The following MYO3A variants were observed in gnomAD, a reference collection of about 807,000 sequenced individuals.
MYO3A encodes myosin IIIA.
A neutral mutation model predicts 192.7 loss-of-function variants in MYO3A; 180 were observed. The ratio of observed to expected loss-of-function variants is 0.93; its 90% CI spans 0.83 to 1.06. The LOEUF (loss-of-function observed/expected upper bound fraction) is 1.06, where lower values mean the gene tolerates loss of function less well. MYO3A is among the 50% of genes least tolerant of loss of function. The pLI, the probability that MYO3A is intolerant of heterozygous loss-of-function variation, is 0.00. For synonymous variants in MYO3A, 628 were observed against 645.3 expected, an observed-to-expected ratio of 0.97 and a Z score of 0.41; for missense variants, 1,896 against 1,905.0, an observed-to-expected ratio of 1.00 and a Z score of 0.09.
At chr10:25,995,939 A>C (rs924386922) in intron 4 of MYO3A, among the ~76,000 whole-genome samples, 4 of 152,126 alleles carry the variant, frequency 2.6e-5, no homozygotes, top group African/African-American at 9.7e-5. Flanking sequence ...CAGAAAGGCA[A>C]CTCGGGGGTC....
intron 14 of MYO3A, among the ~76,000 whole-genome samples, chr10:26,083,508 A>G (rs1027540473): frequency 3.9e-5 from 6 of 152,270 alleles, no homozygotes; most frequent in African/African-American, 1.4e-4. Flanking sequence ...GGTTGCTCTT[A>G]TTAGTACTTC....
At chr10:26,019,154 C>G (rs184529371) in intron 7 of MYO3A, among the ~76,000 whole-genome samples, 261 of 152,140 alleles carry the variant, frequency 1.7e-3, no homozygotes, top group Admixed American at 3.3e-3. Flanking sequence ...TGCCTAAACT[C>G]TCCTACTCTA....
At chr10:26,029,383 A>G (rs771934958) in intron 10 of MYO3A, among the ~76,000 whole-genome samples, 1 of 152,206 alleles carries the variant, frequency 6.6e-6, no homozygotes, top group Non-Finnish European at 1.5e-5. Flanking sequence ...TGAGACATAA[A>G]TGTTGGAACC....
intron 4 of MYO3A, among the ~76,000 whole-genome samples, chr10:25,989,293 A>G (rs1839864045): frequency 6.6e-6 from 1 of 151,082 alleles, no homozygotes; most frequent in Non-Finnish European, 1.5e-5. Context: ...CTTGCAATTT[A>G]AAAGATACAA....
At chr10:26,108,594 G>T (rs1837971323) in intron 17 of MYO3A, among the ~76,000 whole-genome samples, 1 of 152,130 alleles carries the variant, frequency 6.6e-6, no homozygotes, top group Non-Finnish European at 1.5e-5. Context: ...AAGACTATCA[G>T]CAATAACTTT....
intron 26 of MYO3A, among the ~76,000 whole-genome samples, chr10:26,165,644 C>T (rs1376420595): frequency 1.3e-5 from 2 of 151,612 alleles, no homozygotes; most frequent in Non-Finnish European, 2.9e-5. Context: ...AGCTCCATCA[C>T]CCAATTTGAA....
chr10:26,095,003 G>A (rs1437032994), intron 15 of MYO3A, among the ~76,000 whole-genome samples: 1 of 152,076 alleles, frequency 6.6e-6, no homozygotes, highest in African/African-American at 2.4e-5. Context: ...CCCTAAGTTT[G>A]CAGATAAAGG....
chr10:26,082,628 A>AC (rs531730621), intron 14 of MYO3A, among the ~76,000 whole-genome samples: 66 of 152,316 alleles, frequency 4.3e-4, no homozygotes, highest in African/African-American at 1.5e-3. Flanking sequence ...TTTTTCCTAA[A>AC]CATCCCTATG....
chr10:25,969,867 C>T (rs1252724852), intron 4 of MYO3A, among the ~76,000 whole-genome samples: 1 of 152,016 alleles, frequency 6.6e-6, no homozygotes, highest in East Asian at 1.9e-4. Context: ...AGAAGCTGTA[C>T]AATGAAAACA....
In MYO3A at chr10:26,073,323, G is replaced by T. The variant is rs187409927; in HGVS notation, c.1359+2922G>T. ...GTGGTGGCTCATGCCTGTAATCCCAGCACTTTGGGAGGCCAAGGCGGGTGG... is the reference window on the plus strand; with the variant it reads ...GTGGTGGCTCATGCCTGTAATCCCATCACTTTGGGAGGCCAAGGCGGGTGG... On this transcript the variant is annotated intron_variant, in intron 14 of 34. Coordinates refer to ENST00000642920, the MANE Select transcript of MYO3A (RefSeq NM_017433.5). Among the ~76,000 whole-genome samples the T allele has an allele frequency of 6.2e-3, 943 of 152,228 alleles. 11 individuals carry two copies. Among genetic ancestry groups the T allele is most frequent in the African/African-American group, 0.021 (882 of 41,524 alleles).
Position 26,026,541 on chromosome 10 carries a change from A to G in MYO3A, c.953+9A>G, listed in dbSNP as rs766443856. ...GGCACAGAAAAGGCCAGGTAATCAA[A>G]TAATATCTTGATTCCAAAATCCAGA... is the stretch of plus-strand genomic sequence containing the variant. On this transcript the variant is annotated intron_variant, in intron 10 of 34. Coordinates refer to ENST00000642920, the MANE Select transcript of MYO3A (RefSeq NM_017433.5). The G allele has an allele frequency of 6.2e-7, 1 of 1,613,638 alleles. No homozygotes were observed. The highest frequency in any genetic ancestry group is 1.1e-5 in the South Asian group (1 of 91,070).
At chr10:26,045,009 G>A (rs970829507) in intron 10 of MYO3A, among the ~76,000 whole-genome samples, 5 of 152,206 alleles carry the variant, frequency 3.3e-5, no homozygotes, top group Admixed American at 2.0e-4. Context: ...AGCAGCAGAG[G>A]AGCAAAATCC....
intron 17 of MYO3A, among the ~76,000 whole-genome samples, chr10:26,102,474 C>A (rs570010402): frequency 7.3e-4 from 111 of 152,308 alleles, no homozygotes; most frequent in African/African-American, 2.6e-3. Flanking sequence ...GGAGAAGTGG[C>A]CCTCTGATTT....
At position 26,063,021 on chromosome 10, in the gene MYO3A, G is replaced by A. The variant is rs1250815760; in HGVS notation, c.954-3954G>A. Among the ~76,000 whole-genome samples, 4 of 152,138 alleles carry A rather than the reference G, an allele frequency of 2.6e-5. No individual in the cohort carries two copies. In the East Asian group the frequency reaches 5.8e-4, roughly 22 times the overall value. The stretch of plus-strand genomic sequence containing the variant: ...GCTTGAAAGGTAGACATTTTTGGAC[G>A]ACTGCTATCTAAAATGAGCTAGGAA... On this transcript the variant is annotated intron_variant, in intron 10 of 34. Coordinates refer to ENST00000642920, the MANE Select transcript of MYO3A (RefSeq NM_017433.5).
Position 26,019,417 on chromosome 10 carries a change from C to A in MYO3A, c.586-2086C>A, listed in dbSNP as rs149392786. 3.7e-3 allele frequency among the ~76,000 whole-genome samples: 561 copies of A among 152,164 alleles called. 3 individuals carry two copies. The highest frequency in any genetic ancestry group is 0.013 in the African/African-American group (542 of 41,534). ...GGGACTACAGGCGCCTGCCAACACGCCTGGCTAATTTTTTATATTTTTAGT... is the reference window on the plus strand; with the variant it reads ...GGGACTACAGGCGCCTGCCAACACGACTGGCTAATTTTTTATATTTTTAGT... On this transcript the variant is annotated intron_variant, in intron 7 of 34. Transcript: ENST00000642920.
intron 10 of MYO3A, among the ~76,000 whole-genome samples, chr10:26,064,215 A>C (rs554506233): frequency 2.3e-4 from 35 of 152,286 alleles, no homozygotes; most frequent in African/African-American, 8.4e-4. Context: ...GACTCTGATT[A>C]ATATAATATT....
At chr10:26,046,873 ATAT>A (rs1843662285) in intron 10 of MYO3A, among the ~76,000 whole-genome samples, 1 of 152,230 alleles carries the variant, frequency 6.6e-6, no homozygotes, top group African/African-American at 2.4e-5. Context: ...ATTCAATGAA[ATAT>A]TATTTTTCAT....
intron 10 of MYO3A, among the ~76,000 whole-genome samples, chr10:26,036,285 A>AC (rs34513929): frequency 0.48 from 72,657 of 151,838 alleles, 18,159 homozygotes; most frequent in Middle Eastern, 0.59. Flanking sequence ...GAGTGTGGAA[A>AC]AACTAAGTTT....
At chr10:26,149,483 C>T (rs1840667404) in intron 23 of MYO3A, among the ~76,000 whole-genome samples, 1 of 152,182 alleles carries the variant, frequency 6.6e-6, no homozygotes, top group African/African-American at 2.4e-5. Flanking sequence ...GATCCACCCG[C>T]CTCGGCCTCC....
Sources: allele counts gnomAD v4.1 joint callset (sites outside exome capture counted in the v4.1 genomes callset), GRCh38; gene constraint gnomAD v4.1.1; transcripts MANE v1.5; gene names NCBI Gene and HGNC (gene_info 2026-07-23, HGNC 2026-07-21).